Variants in KLF12 observed in about 807,000 individuals in gnomAD.
KLF12 encodes the protein Krueppel-like factor 12.
A neutral mutation model predicts 37.8 loss-of-function variants in KLF12; 9 were observed. That is an observed-to-expected ratio of 0.24 (90% CI 0.14 to 0.42). The LOEUF (loss-of-function observed/expected upper bound fraction) is 0.42, where lower values mean the gene tolerates loss of function less well. Ranked by LOEUF, KLF12 falls within the 10% of genes least tolerant of loss-of-function variation. The pLI, the probability that KLF12 is intolerant of heterozygous loss-of-function variation, is 1.00. For missense variants in KLF12, 411 were observed against 516.0 expected (o/e 0.80, Z 1.97); for synonymous variants, 208 against 202.1 (o/e 1.03, Z -0.25).
intron 1 of KLF12, among the ~76,000 whole-genome samples, chr13:74,074,783 T>A (rs1054559796): frequency 2.0e-5 from 3 of 152,184 alleles, no homozygotes; most frequent in African/African-American, 7.2e-5. Context: ...ACCAACTACA[T>A]CCTGATGGCT....
chr13:74,104,591 G>A (rs61958004), intron 1 of KLF12, among the ~76,000 whole-genome samples: 3 of 152,130 alleles, frequency 2.0e-5, no homozygotes, highest in African/African-American at 7.2e-5. Context: ...CAATGTAACA[G>A]ACTGAAAATA....
upstream of KLF12, among the ~76,000 whole-genome samples, chr13:74,135,853 G>C (rs1878537101): frequency 6.6e-6 from 1 of 152,212 alleles, no homozygotes; most frequent in Non-Finnish European, 1.5e-5. Flanking sequence ...AACAGGAAAT[G>C]AGAACGAAGG....
chr13:74,271,009 C>T, the KLF12 span, among the ~76,000 whole-genome samples: 6 of 152,122 alleles, frequency 3.9e-5, no homozygotes, highest in South Asian at 2.1e-4. Flanking sequence ...AGGAGGTGAG[C>T]GGTGGGTGAG....
chr13:74,093,990 G>T, intron 1 of KLF12, among the ~76,000 whole-genome samples: 1 of 150,334 alleles, frequency 6.7e-6, no homozygotes. Context: ...ACAATAGCTA[G>T]TTCATATTTA....
chr13:74,300,317 C>A, the KLF12 span, among the ~76,000 whole-genome samples: 2 of 152,082 alleles, frequency 1.3e-5, no homozygotes, highest in Non-Finnish European at 2.9e-5. Flanking sequence ...TTCTTGATTG[C>A]TGGCATATTT....
rs142562577 is a variant in KLF12 at position 73,866,412 on chromosome 13, G to A, written c.124-20039C>T. ...GATATTTTCTGAAAGACATTTTGCT[G>A]TACAATTCAAGAATCTGTAAATCCC... is the stretch of plus-strand genomic sequence containing the variant. On this transcript the variant is annotated intron_variant, in intron 3 of 7. Transcript: ENST00000377669. 2.4e-4 allele frequency among the ~76,000 whole-genome samples: 36 copies of A among 152,198 alleles called. No homozygotes were observed. The East Asian group carries it at 6.8e-3, about 29-fold the overall frequency.
the KLF12 span, among the ~76,000 whole-genome samples, chr13:74,222,934 A>G: frequency 6.6e-6 from 1 of 152,244 alleles, no homozygotes; most frequent in African/African-American, 2.4e-5. Flanking sequence ...TTTAATAAAA[A>G]CAAATCCACT....
At chr13:74,229,850 ATGT>A in the KLF12 span, among the ~76,000 whole-genome samples, 81 of 152,140 alleles carry the variant, frequency 5.3e-4, no homozygotes, top group African/African-American at 1.9e-3. Flanking sequence ...AGTGTTACCA[ATGT>A]TGTGTTTCCA....
chr13:74,279,187 C>A, the KLF12 span, among the ~76,000 whole-genome samples: 64 of 152,274 alleles, frequency 4.2e-4, no homozygotes, highest in African/African-American at 1.4e-3. Context: ...TCTTCCATCA[C>A]AGCACTGGGA....
At chr13:74,149,100 C>G in the KLF12 span, among the ~76,000 whole-genome samples, 2 of 152,198 alleles carry the variant, frequency 1.3e-5, no homozygotes, top group Non-Finnish European at 2.9e-5. Context: ...CGGGCACAAG[C>G]CACCTTGCCT....
At chr13:73,760,360 G>A (rs559848072) in intron 6 of KLF12, among the ~76,000 whole-genome samples, 2 of 152,060 alleles carry the variant, frequency 1.3e-5, no homozygotes, top group Non-Finnish European at 2.9e-5. Flanking sequence ...TTGCTCTGTT[G>A]CCCAGGCTGG....
the KLF12 span, among the ~76,000 whole-genome samples, chr13:74,245,904 A>G: frequency 6.6e-6 from 1 of 152,268 alleles, no homozygotes; most frequent in African/African-American, 2.4e-5. Context: ...ATGTTAAAGT[A>G]TCAATGAAAA....
chr13:73,717,281 G>C (rs902013578), intron 6 of KLF12, among the ~76,000 whole-genome samples: 1 of 152,120 alleles, frequency 6.6e-6, no homozygotes, highest in Admixed American at 6.5e-5. Flanking sequence ...GACCAACCTA[G>C]GCAAGAAGGA....
At chr13:74,169,916 G>T in the KLF12 span, among the ~76,000 whole-genome samples, 4 of 152,160 alleles carry the variant, frequency 2.6e-5, no homozygotes, top group Admixed American at 6.5e-5. Context: ...TGCCCAAGGG[G>T]TCAACAGCTG....
intron 1 of KLF12, among the ~76,000 whole-genome samples, chr13:74,084,359 C>T (rs571460590): frequency 6.4e-4 from 97 of 152,282 alleles, no homozygotes; most frequent in South Asian, 4.6e-3. Context: ...TATTCTGTTC[C>T]GTGATGGTCA....
At chr13:73,868,663 T>A (rs755013126) in intron 3 of KLF12, among the ~76,000 whole-genome samples, 19 of 152,156 alleles carry the variant, frequency 1.2e-4, no homozygotes, top group Non-Finnish European at 2.8e-4. Context: ...AGTGCTGGGA[T>A]TACAGGCGTG....
chr13:74,140,561 A>G, the KLF12 span, among the ~76,000 whole-genome samples: 1 of 152,202 alleles, frequency 6.6e-6, no homozygotes, highest in South Asian at 2.1e-4. Context: ...TGTTCTTGCT[A>G]GTATTGGGTG....
the KLF12 span, among the ~76,000 whole-genome samples, chr13:74,201,477 A>T: frequency 1.0e-3 from 158 of 152,286 alleles, 1 homozygote; most frequent in African/African-American, 3.7e-3. Flanking sequence ...TGGTTAAGCA[A>T]ATGTAAAATT....
the KLF12 span, among the ~76,000 whole-genome samples, chr13:74,300,623 A>G: frequency 2.0e-5 from 3 of 152,150 alleles, no homozygotes; most frequent in Non-Finnish European, 2.9e-5. Flanking sequence ...GGAGTAAAAG[A>G]TGTCATGCCC....
Sources: gnomAD v4.1 joint callset for allele counts (sites outside exome capture counted in the v4.1 genomes callset) on GRCh38, gnomAD v4.1.1 for gene constraint, MANE v1.5 for transcripts, NCBI Gene and HGNC (gene_info 2026-07-23, HGNC 2026-07-21) for gene names.